Variants in INSYN2A observed in about 807,000 individuals in gnomAD.
INSYN2A encodes the protein inhibitory synaptic factor 2A.
In INSYN2A, 17 loss-of-function variants were observed where a neutral mutation model predicts 39.4. The observed-to-expected ratio is 0.43, with a 90% CI of 0.30 to 0.65. INSYN2A has a LOEUF of 0.65. Among genes scored for constraint, INSYN2A ranks in the 30% least tolerant of loss-of-function variants. INSYN2A has a pLI of 0.14. For synonymous variants in INSYN2A, 255 were observed against 265.7 expected, an observed-to-expected ratio of 0.96 and a Z score of 0.39; for missense variants, 595 against 631.2, an observed-to-expected ratio of 0.94 and a Z score of 0.61.
intron 4 of INSYN2A, among the ~76,000 whole-genome samples, chr10:127,171,005 A>G (rs1298554452): frequency 6.6e-6 from 1 of 152,186 alleles, no homozygotes; most frequent in East Asian, 1.9e-4. Context: ...TCCCACTGAA[A>G]TGCTCGTAAC....
chr10:127,168,457 G>A (rs1201695117), intron 4 of INSYN2A, among the ~76,000 whole-genome samples: 1 of 152,238 alleles, frequency 6.6e-6, no homozygotes, highest in East Asian at 1.9e-4. Context: ...ACAATGCCCT[G>A]CTTTTCTGTG....
At chr10:127,139,863 A>G (rs191843782) in intron 5 of INSYN2A, among the ~76,000 whole-genome samples, 26 of 152,342 alleles carry the variant, frequency 1.7e-4, no homozygotes, top group Admixed American at 4.6e-4. Flanking sequence ...TGCAATTTAA[A>G]TATTATTGTA....
In INSYN2A at chr10:127,176,729, A is replaced by C. The variant is rs1298857773; in HGVS notation, c.-6+148T>G. 1 of 218,016 alleles carries C rather than the reference A, an allele frequency of 4.6e-6. No homozygotes were observed. The highest frequency in any genetic ancestry group is 9.0e-6 in the Non-Finnish European group (1 of 110,844). 13.5% of individuals were successfully genotyped at this position (218,016 alleles called of 1,614,324 possible). On this transcript the variant is annotated intron_variant, in intron 3 of 5. Transcript: ENST00000522781. The surrounding 1 kb of genome is among the most constrained non-coding windows in gnomAD (Gnocchi z 4.4). ...AATGATGCTGCCTCTTCTGCTTTGCAAATTATCTTTTCACACGCGTGACTC... is the reference window on the plus strand; with the variant it reads ...AATGATGCTGCCTCTTCTGCTTTGCCAATTATCTTTTCACACGCGTGACTC...
At chr10:127,195,059 C>T (rs1317756222) in intron 1 of INSYN2A, among the ~76,000 whole-genome samples, 6 of 152,198 alleles carry the variant, frequency 3.9e-5, no homozygotes, top group Admixed American at 3.9e-4. Flanking sequence ...CCTCTCCTCC[C>T]CCACTCCTGG....
intron 4 of INSYN2A, among the ~76,000 whole-genome samples, chr10:127,174,414 C>T (rs1274542974): frequency 2.0e-5 from 3 of 152,140 alleles, no homozygotes; most frequent in East Asian, 1.9e-4. Context: ...AGGAGGCTTC[C>T]GCACTGGGGA....
chr10:127,167,975 A>G (rs1236014647), intron 4 of INSYN2A, among the ~76,000 whole-genome samples: 1 of 152,210 alleles, frequency 6.6e-6, no homozygotes, highest in Non-Finnish European at 1.5e-5. Context: ...ACTGAGTGCA[A>G]ACATAGCCTG....
chr10:127,153,297 T>C (rs1255755585), intron 5 of INSYN2A, among the ~76,000 whole-genome samples: 2 of 152,214 alleles, frequency 1.3e-5, no homozygotes, highest in African/African-American at 4.8e-5. Flanking sequence ...GAGTTTCTGC[T>C]GTATTCTTGT....
At chr10:127,150,012 A>G (rs1047022901) in intron 5 of INSYN2A, among the ~76,000 whole-genome samples, 1 of 152,158 alleles carries the variant, frequency 6.6e-6, no homozygotes, top group African/African-American at 2.4e-5. Context: ...TTGTGTTTCT[A>G]CAGATTCATA....
rs1592156240 is a variant in INSYN2A, at chr10:127,135,471, C to G, written c.*2366G>C. 6.5e-6 allele frequency: 1 copy of G among 152,710 alleles called. No homozygotes were observed. Among genetic ancestry groups the G allele is most frequent in the Admixed American group, 6.5e-5 (1 of 15,306 alleles). The allele number at this position is 152,710 out of a possible 1,614,324, so 9.5% of individuals were successfully genotyped here. A position where few individuals can be genotyped will look rare whatever the true frequency, so the allele number is the denominator to read the frequency against. ...ATTTAAAAATTAATAAAGAACTTAA[C>G]GACAAGTATAATAATTTAATCTCTA... On this transcript the variant is annotated 3_prime_UTR_variant, in exon 6 of 6. Transcript: ENST00000522781.
Position 127,176,832 on chromosome 10 carries a change from A to T in INSYN2A, c.-6+45T>A, listed in dbSNP as rs1179258954. 1.3e-5 allele frequency: 2 copies of T among 157,872 alleles called. No homozygotes were observed. Among genetic ancestry groups the T allele is most frequent in the African/African-American group, 4.8e-5 (2 of 41,522 alleles). 9.8% of individuals were successfully genotyped at this position (157,872 alleles called of 1,614,324 possible). ...ACTATTTTTTGAGGATGACGTCATT[A>T]ATCTATTGCTGGAATCTGGGAGAGC... On this transcript the variant is annotated intron_variant, in intron 3 of 5. Coordinates refer to ENST00000522781, the MANE Select transcript of INSYN2A (RefSeq NM_001039762.3). The surrounding 1 kb of genome is among the most constrained non-coding windows in gnomAD (Gnocchi z 4.4).
chr10:127,160,073 C>T (rs993847795), intron 4 of INSYN2A, among the ~76,000 whole-genome samples: 16 of 150,334 alleles, frequency 1.1e-4, no homozygotes, highest in African/African-American at 3.7e-4. Flanking sequence ...GCCTGAGAGG[C>T]AGGACTAACA....
rs961476453 is a variant in INSYN2A, at chr10:127,165,645, A to G, written c.1184+9567T>C. On this transcript the variant is annotated intron_variant, in intron 4 of 5. Transcript: ENST00000522781. The stretch of plus-strand genomic sequence containing the variant: ...GTTGTTCACATGGATGTGGACATCA[A>G]TATGAGGAAGGAAGAGCCAGACAGG... Among the ~76,000 whole-genome samples the G allele has an allele frequency of 5.3e-5, 8 of 152,302 alleles. No homozygotes were observed. In the South Asian group the frequency reaches 1.0e-3, roughly 20 times the overall value.
chr10:127,169,953 C>T (rs569553696), intron 4 of INSYN2A, among the ~76,000 whole-genome samples: 7 of 152,218 alleles, frequency 4.6e-5, no homozygotes, highest in Middle Eastern at 3.4e-3. Context: ...TGAACACCAC[C>T]GTAAGCGGCA....
chr10:127,178,558 C>A (rs1029608858), intron 2 of INSYN2A, among the ~76,000 whole-genome samples: 3 of 152,204 alleles, frequency 2.0e-5, no homozygotes, highest in African/African-American at 7.2e-5. Flanking sequence ...AGCCCTTGCA[C>A]CTCTGGATGC....
chr10:127,176,451 C>G lies in INSYN2A; in HGVS notation c.-5-51G>C, dbSNP rs1236376632. 6.9e-7 allele frequency: 1 copy of G among 1,446,612 alleles called. No homozygotes were observed. The highest frequency in any genetic ancestry group is 9.3e-7 in the Non-Finnish European group (1 of 1,072,966). 89.6% of individuals were successfully genotyped at this position (1,446,612 alleles called of 1,614,324 possible). A position where few individuals can be genotyped will look rare whatever the true frequency, so the allele number is the denominator to read the frequency against. ...TGTCAGTGGGACAGAAATACACACT[C>G]AAGCACCGGCCGCACAAACTTTTAG... is the stretch of plus-strand genomic sequence containing the variant. On this transcript the variant is annotated intron_variant, in intron 3 of 5. Coordinates refer to ENST00000522781, the MANE Select transcript of INSYN2A (RefSeq NM_001039762.3). This position sits in a 1 kb window ranked among gnomAD's most constrained non-coding sequence, Gnocchi z 4.4.
chr10:127,174,437 A>T (rs1334877107), intron 4 of INSYN2A, among the ~76,000 whole-genome samples: 1 of 152,174 alleles, frequency 6.6e-6, no homozygotes, highest in Non-Finnish European at 1.5e-5. Context: ...TCAAGAACTA[A>T]AACCCCACCT....
chr10:127,190,941 G>GA (rs1309188875), intron 2 of INSYN2A, among the ~76,000 whole-genome samples: 1 of 151,948 alleles, frequency 6.6e-6, no homozygotes, highest in East Asian at 1.9e-4. Context: ...TTAATCTTCT[G>GA]AGAATATATG....
rs551743183 is a variant in INSYN2A, at chr10:127,196,519, C to A, written c.-917G>T. Among the ~76,000 whole-genome samples, 290 of 148,090 alleles carry A rather than the reference C, an allele frequency of 2.0e-3. 2 individuals are homozygous for A. The highest frequency in any genetic ancestry group is 6.8e-3 in the African/African-American group (278 of 41,102). ...CAGCTACTCCGCGGAGCCGGGCGGC[C>A]AGAGGCGAGGGCGCCCCAAGCCGCG... On this transcript the variant is annotated 5_prime_UTR_variant, in exon 1 of 6. Coordinates refer to ENST00000522781, the MANE Select transcript of INSYN2A (RefSeq NM_001039762.3).
chr10:127,164,223 A>T (rs2053875243), intron 4 of INSYN2A, among the ~76,000 whole-genome samples: 1 of 113,008 alleles, frequency 8.8e-6, no homozygotes. Context: ...CTGCTCTGTC[A>T]CCCAGGCTGG....
Sources: gnomAD v4.1 joint callset for allele counts (sites outside exome capture counted in the v4.1 genomes callset) on GRCh38, gnomAD v4.1.1 for gene constraint, Gnocchi (gnomAD v3.1) non-coding constraint, MANE v1.5 for transcripts, NCBI Gene and HGNC (gene_info 2026-07-23, HGNC 2026-07-21) for gene names.